The following KLHL2 variants were observed in gnomAD, a reference collection of about 807,000 sequenced individuals.
The protein encoded by KLHL2 is kelch like family member 2.
A neutral mutation model predicts 75.8 loss-of-function variants in KLHL2; 15 were observed. That is an observed-to-expected ratio of 0.20 (90% CI 0.13 to 0.30). The LOEUF is 0.30. Among genes scored for constraint, KLHL2 ranks in the 10% least tolerant of loss-of-function variants. The probability of loss-of-function intolerance (pLI) is 1.00; values close to 1 mark genes in which losing one functional copy is unlikely to be tolerated. For missense variants in KLHL2, 381 were observed against 741.0 expected, an observed-to-expected ratio of 0.51 and a Z score of 5.64; for synonymous variants, 214 against 251.9, an observed-to-expected ratio of 0.85 and a Z score of 1.42.
chr4:165,210,029 C>T (rs921905893), intron 1 of KLHL2: 22 of 1,532,718 alleles, frequency 1.4e-5, no homozygotes, highest in Non-Finnish European at 1.9e-5. Context: ...ACTGCCAGAG[C>T]TGGGCTAGAA....
At chr4:165,305,981 A>G (rs1315957658) in intron 9 of KLHL2, among the ~76,000 whole-genome samples, 2 of 152,146 alleles carry the variant, frequency 1.3e-5, no homozygotes, top group African/African-American at 4.8e-5. Context: ...GATATTTCCT[A>G]GTTACATTTG....
At position 165,263,805 on chromosome 4, in the gene KLHL2, GTTTTTTTTT is replaced by G. The variant is rs55901119; in HGVS notation, c.544+462_544+470del. 1.5e-4 allele frequency among the ~76,000 whole-genome samples: 10 copies of G among 66,514 alleles called. No individual in the cohort carries two copies. In the East Asian group the frequency reaches 1.8e-3, roughly 12 times the overall value. 43.6% of individuals were successfully genotyped at this position (66,514 alleles called of 152,430 possible). On this transcript the variant is annotated intron_variant, in intron 5 of 14. Transcript: ENST00000226725. The stretch of plus-strand genomic sequence containing the variant: ...TATTTTAGCTCTGATTTTTTACATT[GTTTTTTTTT>G]TTTTTTTTTTTTTTTGCATCCATGA...
intron 1 of KLHL2, chr4:165,209,334 T>C (rs2110925797): frequency 6.6e-6 from 1 of 152,298 alleles, no homozygotes; most frequent in South Asian, 2.1e-4. Context: ...CAACATATGG[T>C]ATATAATATG....
chr4:165,297,535 A>C, intron 6 of KLHL2, 74 bp from the exon 7 acceptor site: 1 of 838,184 alleles, frequency 1.2e-6, no homozygotes. Flanking sequence ...TATAAAATGT[A>C]GTCTCATATT....
chr4:165,291,631 C>G (rs1027927199), intron 5 of KLHL2, among the ~76,000 whole-genome samples: 1 of 152,002 alleles, frequency 6.6e-6, no homozygotes, highest in Non-Finnish European at 1.5e-5. Context: ...AGATCAGTTG[C>G]CTGTGTTTTT....
chr4:165,313,270 G>A lies in KLHL2; in HGVS notation c.1372G>A (p.Ala458Thr), dbSNP rs753811136. 2 of 1,610,422 alleles carry A rather than the reference G, an allele frequency of 1.2e-6. No individual in the cohort carries two copies. Among genetic ancestry groups the A allele is most frequent in the Non-Finnish European group, 8.5e-7 (1 of 1,178,414 alleles). ...LLYAVGGYDG[A>T]SRQCLSTVEC... Reference sequence around the variant, plus strand: ...CTATGCTGTAGGAGGTTATGATGGAGCATCACGTCAGTGTCTTAGCACAGT... The same window carrying A: ...CTATGCTGTAGGAGGTTATGATGGAACATCACGTCAGTGTCTTAGCACAGT... Residue 458 changes from alanine to threonine, a missense_variant, in exon 12 of 15, where the codon GCA becomes ACA. Coordinates refer to ENST00000226725, the MANE Select transcript of KLHL2 (RefSeq NM_007246.4).
At chr4:165,220,587 A>C (rs1434383829) in intron 2 of KLHL2, among the ~76,000 whole-genome samples, 5 of 152,172 alleles carry the variant, frequency 3.3e-5, no homozygotes, top group Admixed American at 2.6e-4. Context: ...AAATAAGAGA[A>C]TATATTATTG....
At chr4:165,239,044 T>A in intron 4 of KLHL2, 145 bp downstream of exon 4, 1 of 1,353,958 alleles carries the variant, frequency 7.4e-7, no homozygotes, top group East Asian at 2.7e-5. Flanking sequence ...TTGGAATGAT[T>A]ACACCTTTTT....
At chr4:165,302,907 A>T (rs953453794) in intron 8 of KLHL2, among the ~76,000 whole-genome samples, 1 of 152,190 alleles carries the variant, frequency 6.6e-6, no homozygotes, top group Non-Finnish European at 1.5e-5. Flanking sequence ...TTTTCCTTAC[A>T]AAAGGTCTTC....
At chr4:165,219,092 T>C (rs1737779199) in intron 1 of KLHL2, among the ~76,000 whole-genome samples, 1 of 152,250 alleles carries the variant, frequency 6.6e-6, no homozygotes, top group Non-Finnish European at 1.5e-5. Flanking sequence ...CTGATTTTTT[T>C]GGTTAATTTT....
chr4:165,222,708 C>T (rs532270623), intron 2 of KLHL2, among the ~76,000 whole-genome samples: 1 of 152,258 alleles, frequency 6.6e-6, no homozygotes, highest in Non-Finnish European at 1.5e-5. Context: ...TCTAAAGAGG[C>T]CTATTCCTTA....
intron 8 of KLHL2, 89 bp from the exon 9 acceptor site, chr4:165,305,519 A>G: frequency 2.9e-6 from 3 of 1,052,608 alleles, no homozygotes. Flanking sequence ...TCATCCTAAC[A>G]CTTCCCACAC....
chr4:165,279,650 C>A, intron 5 of KLHL2: 1 of 1,611,040 alleles, frequency 6.2e-7, no homozygotes, highest in Non-Finnish European at 8.5e-7. Context: ...TGCCATGAAA[C>A]CAGCTTCAGG....
chr4:165,312,693 A>C (rs1318230473), intron 11 of KLHL2, among the ~76,000 whole-genome samples: 1 of 151,984 alleles, frequency 6.6e-6, no homozygotes, highest in African/African-American at 2.4e-5. Flanking sequence ...ACTTTCTATC[A>C]CTTAGAGATT....
chr4:165,238,751 C>T (rs772664548), intron 3 of KLHL2, 27 bp from the exon 4 acceptor site: 20 of 1,612,020 alleles, frequency 1.2e-5, no homozygotes, highest in Non-Finnish European at 1.1e-5. Context: ...CTTGCTGTAA[C>T]ATCACTCTTA....
chr4:165,281,619 T>C (rs1308957858), intron 5 of KLHL2, among the ~76,000 whole-genome samples: 1 of 152,220 alleles, frequency 6.6e-6, no homozygotes, highest in Non-Finnish European at 1.5e-5. Flanking sequence ...CCAGCCCTGA[T>C]GCTCTCTCTT....
intron 8 of KLHL2, among the ~76,000 whole-genome samples, chr4:165,305,252 T>C (rs1383079860): frequency 1.3e-5 from 2 of 152,224 alleles, no homozygotes; most frequent in Non-Finnish European, 2.9e-5. Flanking sequence ...TGCCTGGTCA[T>C]TGCAAAAACC....
At chr4:165,321,061 C>G (rs530273095) in intron 14 of KLHL2, among the ~76,000 whole-genome samples, 1 of 152,228 alleles carries the variant, frequency 6.6e-6, no homozygotes, top group African/African-American at 2.4e-5. Flanking sequence ...TGAAATGGGC[C>G]CTTCTATGAT....
At chr4:165,311,985 G>A (rs992340642) in intron 11 of KLHL2, among the ~76,000 whole-genome samples, 10 of 152,182 alleles carry the variant, frequency 6.6e-5, no homozygotes, top group Non-Finnish European at 1.2e-4. Context: ...TGGGTTGGGG[G>A]GATGGTTTTG....
Sources: gnomAD v4.1 joint callset for allele counts (sites outside exome capture counted in the v4.1 genomes callset) on GRCh38, gnomAD v4.1.1 for gene constraint, MANE v1.5 for transcripts, NCBI Gene and HGNC (gene_info 2026-07-23, HGNC 2026-07-21) for gene names.